The following TTC8 variants were observed in gnomAD, a reference collection of about 807,000 sequenced individuals.
TTC8 encodes the protein tetratricopeptide repeat protein 8.
A neutral mutation model predicts 72.5 loss-of-function variants in TTC8; 47 were observed. The ratio of observed to expected loss-of-function variants is 0.65; its 90% CI spans 0.51 to 0.83. The LOEUF (loss-of-function observed/expected upper bound fraction) is 0.83. Among genes scored for constraint, TTC8 ranks in the 40% least tolerant of loss-of-function variants. TTC8 has a pLI of 0.00. For missense variants in TTC8, 611 were observed against 623.2 expected (o/e 0.98, Z 0.21); for synonymous variants, 199 against 221.4 (o/e 0.90, Z 0.90).
intron 1 of TTC8, among the ~76,000 whole-genome samples, chr14:88,827,944 A>C (rs1325514614): frequency 1.3e-5 from 2 of 152,116 alleles, no homozygotes; most frequent in Admixed American, 1.3e-4. Flanking sequence ...TCAGGCACAC[A>C]GGGGCTTTTG....
At chr14:88,836,489 T>A (rs1255624182) in intron 2 of TTC8, among the ~76,000 whole-genome samples, 2 of 128,196 alleles carry the variant, frequency 1.6e-5, no homozygotes, top group African/African-American at 7.5e-5. Context: ...AGAGCCTGTC[T>A]TAAAAAAAAA....
intron 7 of TTC8, chr14:88,846,513 G>A: frequency 1.5e-6 from 1 of 666,764 alleles, no homozygotes; most frequent in Non-Finnish European, 2.5e-6. Context: ...GCCTGTGAGG[G>A]GGAAGAGTTG....
At chr14:88,873,336 T>C (rs2094943176) in intron 13 of TTC8, among the ~76,000 whole-genome samples, 1 of 152,224 alleles carries the variant, frequency 6.6e-6, no homozygotes, top group Admixed American at 6.5e-5. Flanking sequence ...ATTCAGGTCT[T>C]AGATTAAATG....
upstream of TTC8, chr14:88,824,311 A>G (rs1332912275): frequency 4.8e-6 from 1 of 207,972 alleles, no homozygotes; most frequent in Non-Finnish European, 9.9e-6. Context: ...GACAGACACC[A>G]GACAGAGATC....
intron 1 of TTC8, among the ~76,000 whole-genome samples, chr14:88,827,773 A>G (rs1261389993): frequency 6.6e-6 from 1 of 152,230 alleles, no homozygotes; most frequent in African/African-American, 2.4e-5. Flanking sequence ...TCTTCATTAA[A>G]AAAATTAATA....
At chr14:88,826,662 C>T (rs1299721829) in intron 1 of TTC8, among the ~76,000 whole-genome samples, 2 of 152,100 alleles carry the variant, frequency 1.3e-5, no homozygotes, top group Non-Finnish European at 2.9e-5. Context: ...GGAGATCGCA[C>T]CACTGCACTC....
intron 1 of TTC8, among the ~76,000 whole-genome samples, chr14:88,829,104 T>C (rs1363535487): frequency 6.6e-6 from 1 of 152,112 alleles, no homozygotes; most frequent in Non-Finnish European, 1.5e-5. Context: ...AGACACAGAA[T>C]GGTGAGGGAC....
chr14:88,858,270 T>C (rs1292254435), intron 9 of TTC8, among the ~76,000 whole-genome samples: 1 of 151,948 alleles, frequency 6.6e-6, no homozygotes, highest in African/African-American at 2.4e-5. Context: ...GCCAGAATTT[T>C]CAATAGTGGA....
At chr14:88,872,820 A>G (rs532410708) in intron 13 of TTC8, among the ~76,000 whole-genome samples, 97 of 152,158 alleles carry the variant, frequency 6.4e-4, no homozygotes, top group South Asian at 4.0e-3. Flanking sequence ...ACCTGCGCCC[A>G]CATCATATTC....
intron 9 of TTC8, among the ~76,000 whole-genome samples, chr14:88,859,895 T>A (rs918081536): frequency 3.4e-5 from 4 of 117,196 alleles, no homozygotes; most frequent in Non-Finnish European, 6.2e-5. Context: ...ATATAATATA[T>A]AATATAATAT....
At position 88,841,077 on chromosome 14, in the gene TTC8, A is replaced by G. The variant is rs2094778683; in HGVS notation, c.370A>G (p.Arg124Gly). The G allele has an allele frequency of 1.2e-6, 2 of 1,614,132 alleles. No individual in the cohort carries two copies. Among genetic ancestry groups the G allele is most frequent in the Admixed American group, 1.7e-5 (1 of 60,008 alleles). ...QAGRPITGFL[R>G]PSTQSGRPGT... ...TGGAAGACCCATTACAGGTTTCCTC[A>G]GGCCCAGCACGCAGAGTGGAAGGCC... The change falls in exon 5 of 15, where the codon AGG (arginine) becomes GGG (glycine). Residue 124 changes from arginine to glycine, a missense_variant. Transcript: ENST00000380656.
Position 88,871,736 on chromosome 14 carries a change from A to G in TTC8, c.1224+13A>G. The G allele has an allele frequency of 1.2e-6, 2 of 1,613,990 alleles. No homozygotes were observed. Among genetic ancestry groups the G allele is most frequent in the Non-Finnish European group, 1.7e-6 (2 of 1,179,888 alleles). The stretch of plus-strand genomic sequence containing the variant: ...ACATGTAGCTGTGGTATGTTGTCTT[A>G]CTGATATAATTTCTGTTATAGAAAG... On this transcript the variant is annotated intron_variant, in intron 12 of 14. Transcript: ENST00000380656. This position sits in a 1 kb window ranked among gnomAD's most constrained non-coding sequence, Gnocchi z 4.1.
intron 10 of TTC8, among the ~76,000 whole-genome samples, chr14:88,861,554 T>A (rs190583350): frequency 1.3e-5 from 2 of 152,298 alleles, no homozygotes; most frequent in East Asian, 3.9e-4. Context: ...TAACCATAAT[T>A]TCCCTACTGT....
chr14:88,875,127 T>C lies in TTC8; in HGVS notation c.1431+18T>C, dbSNP rs2094951756. 6.3e-7 allele frequency: 1 copy of C among 1,581,208 alleles called. No homozygotes were observed. ...CTGATAAGGTATTCTCTTTCTTCAT[T>C]AATTTATCATCTGATCTGTTCTTTT... is the stretch of plus-strand genomic sequence containing the variant. On this transcript the variant is annotated intron_variant, in intron 14 of 14. Transcript: ENST00000380656.
chr14:88,824,443 G>C (rs1413200810), upstream of TTC8: 3 of 487,492 alleles, frequency 6.2e-6, no homozygotes, highest in Non-Finnish European at 1.1e-5. Context: ...TTTTTGTTTA[G>C]CCGCGGTGCC....
intron 1 of TTC8, among the ~76,000 whole-genome samples, chr14:88,826,058 G>A (rs910333465): frequency 2.6e-5 from 4 of 151,792 alleles, no homozygotes; most frequent in Middle Eastern, 3.2e-3. Context: ...CGCGATCTCG[G>A]CTGTCTGCAA....
intron 1 of TTC8, 51 bp downstream of exon 1, chr14:88,824,872 G>A (rs1352771164): frequency 1.3e-6 from 2 of 1,520,196 alleles, no homozygotes; most frequent in East Asian, 4.6e-5. Flanking sequence ...AGGCTGCGGG[G>A]TCTGGGGCAT....
chr14:88,872,541 T>G lies in TTC8; in HGVS notation c.1347+89T>G, dbSNP rs2094939167. 4 of 1,568,984 alleles carry G rather than the reference T, an allele frequency of 2.5e-6. No homozygotes were observed. In the East Asian group the frequency reaches 9.1e-5, roughly 36 times the overall value. On this transcript the variant is annotated intron_variant, in intron 13 of 14. Coordinates refer to ENST00000380656, the MANE Select transcript of TTC8 (RefSeq NM_144596.4). ...GGTAGCATTACAGCGTATGTTATTT[T>G]AAAATGAGCTCTAGAATCTGACAGG... is the stretch of plus-strand genomic sequence containing the variant.
At chr14:88,857,050 CAT>C (rs1290426047) in intron 8 of TTC8, 138 bp from the exon 9 acceptor site, 5 of 769,694 alleles carry the variant, frequency 6.5e-6, no homozygotes, top group Non-Finnish European at 6.8e-6. Context: ...TATAAATAAA[CAT>C]GTTAATTTAT....
Sources: gnomAD v4.1 joint callset for allele counts (sites outside exome capture counted in the v4.1 genomes callset) on GRCh38, gnomAD v4.1.1 for gene constraint, Gnocchi (gnomAD v3.1) non-coding constraint, MANE v1.5 for transcripts, NCBI Gene and HGNC (gene_info 2026-07-23, HGNC 2026-07-21) for gene names.